The following CTBS variants were observed in gnomAD, a reference collection of about 807,000 sequenced individuals.
CTBS encodes the protein chitobiase.
A neutral mutation model predicts 44.3 loss-of-function variants in CTBS; 35 were observed. That is an observed-to-expected ratio of 0.79 (90% CI 0.60 to 1.05). The LOEUF is 1.05. Among genes scored for constraint, CTBS ranks in the 50% least tolerant of loss-of-function variants. The pLI is 0.00. For missense variants in CTBS, 458 were observed against 475.3 expected, an observed-to-expected ratio of 0.96 and a Z score of 0.34; for synonymous variants, 143 against 168.0, an observed-to-expected ratio of 0.85 and a Z score of 1.15.
At chr1:84,572,157 G>A (rs1317311029) in intron 1 of CTBS, among the ~76,000 whole-genome samples, 1 of 152,124 alleles carries the variant, frequency 6.6e-6, no homozygotes, top group African/African-American at 2.4e-5. Context: ...CTTGTGAGGG[G>A]AATGAATGAG....
chr1:84,564,664 T>G (rs1684657989), intron 4 of CTBS, among the ~76,000 whole-genome samples: 1 of 152,156 alleles, frequency 6.6e-6, no homozygotes, highest in Non-Finnish European at 1.5e-5. Flanking sequence ...TAGAACATAA[T>G]TATAATGTCT....
rs139599287 is a variant in CTBS at position 84,552,812 on chromosome 1, A to G, written c.*2187T>C. 73 of 398,932 alleles carry G rather than the reference A, an allele frequency of 1.8e-4. No individual in the cohort carries two copies. The East Asian group carries it at 2.7e-3, about 15-fold the overall frequency. 24.7% of individuals were successfully genotyped at this position (398,932 alleles called of 1,614,324 possible). ...GTATTGTCCCTATCTACTCATAAAC[A>G]AGGTTACCTTATAGCATATCTCACC... On this transcript the variant is annotated 3_prime_UTR_variant, in exon 7 of 7. Coordinates refer to ENST00000370630, the MANE Select transcript of CTBS (RefSeq NM_004388.3).
chr1:84,573,964 G>A lies in CTBS; in HGVS notation c.177+275C>T, dbSNP rs188102022. The A allele has an allele frequency of 1.8e-4, 239 of 1,345,944 alleles. 1 individual carries two copies. The highest frequency in any genetic ancestry group is 2.1e-4 in the Non-Finnish European group (223 of 1,051,196). 83.4% of individuals were successfully genotyped at this position (1,345,944 alleles called of 1,614,324 possible). A position where few individuals can be genotyped will look rare whatever the true frequency, so the allele number is the denominator to read the frequency against. ...GTGCTTCCGCAGAGGCACAGCAGGG[G>A]AATGAAAGGAGCTTGCCTTAGGAGG... On this transcript the variant is annotated intron_variant, in intron 1 of 6. Coordinates refer to ENST00000370630, the MANE Select transcript of CTBS (RefSeq NM_004388.3).
rs1266285478 is a variant in CTBS at position 84,569,954 on chromosome 1, G to A, written c.502C>T (p.His168Tyr). ...ALVKETTDSF[H>Y]REIEGSQVTF... ...ACCTGTGATCCCTCAATTTCACGATGGAAAGAGTCTGTAGTTTCTTTGACT... is the reference window on the plus strand; with the variant it reads ...ACCTGTGATCCCTCAATTTCACGATAGAAAGAGTCTGTAGTTTCTTTGACT... Residue 168 changes from histidine to tyrosine, a missense_variant, in exon 3 of 7, where the codon CAT becomes TAT. Coordinates refer to ENST00000370630, the MANE Select transcript of CTBS (RefSeq NM_004388.3). 6.2e-7 allele frequency: 1 copy of A among 1,609,800 alleles called. No homozygotes were observed. The highest frequency in any genetic ancestry group is 1.1e-5 in the South Asian group (1 of 90,534).
At chr1:84,569,857 A>G in intron 3 of CTBS, 74 bp downstream of exon 3, 10 of 1,239,238 alleles carry the variant, frequency 8.1e-6, no homozygotes, top group South Asian at 6.7e-5. Context: ...AACAAAGATT[A>G]TATTAGTTAT....
chr1:84,572,958 A>G (rs964661798), intron 1 of CTBS, among the ~76,000 whole-genome samples: 2 of 152,078 alleles, frequency 1.3e-5, no homozygotes, highest in Non-Finnish European at 2.9e-5. Flanking sequence ...CTCAATCTCA[A>G]AAAGAGATTG....
chr1:84,568,914 C>T (rs1451094130), intron 3 of CTBS, among the ~76,000 whole-genome samples: 1 of 152,126 alleles, frequency 6.6e-6, no homozygotes, highest in Non-Finnish European at 1.5e-5. Context: ...CAGCATTATG[C>T]TTCCTGTATA....
intron 6 of CTBS, among the ~76,000 whole-genome samples, chr1:84,562,607 C>T (rs543087883): frequency 6.6e-6 from 1 of 151,994 alleles, no homozygotes; most frequent in African/African-American, 2.4e-5. Context: ...TGTGGAAGAG[C>T]CTTTATAATG....
intron 3 of CTBS, 117 bp from the exon 4 acceptor site, chr1:84,566,129 C>T (rs1684695792): frequency 3.9e-6 from 2 of 508,610 alleles, no homozygotes; most frequent in Non-Finnish European, 6.2e-6. Flanking sequence ...GAACTGCTTA[C>T]AGTATATGAA....
At chr1:84,565,195 C>T (rs1684667887) in intron 4 of CTBS, among the ~76,000 whole-genome samples, 1 of 151,168 alleles carries the variant, frequency 6.6e-6, no homozygotes, top group Non-Finnish European at 1.5e-5. Flanking sequence ...TGAGACCCTG[C>T]TCAAAAAAAT....
intron 6 of CTBS, among the ~76,000 whole-genome samples, chr1:84,556,757 G>A (rs542616291): frequency 2.0e-5 from 3 of 150,558 alleles, no homozygotes; most frequent in East Asian, 3.9e-4. Flanking sequence ...TAATTCACCT[G>A]GTAAATGAAT....
chr1:84,554,907 C>T lies in CTBS; in HGVS notation c.*92G>A. 1.0e-6 allele frequency: 1 copy of T among 989,958 alleles called. No homozygotes were observed. Among genetic ancestry groups the T allele is most frequent in the Non-Finnish European group, 1.5e-6 (1 of 668,492 alleles). 61.3% of individuals were successfully genotyped at this position (989,958 alleles called of 1,614,324 possible). On this transcript the variant is annotated 3_prime_UTR_variant, in exon 7 of 7. Transcript: ENST00000370630. ...TTCTTTTTTTTTAGTATACGGATAACAAAAGTATATAGCAACATAATAAAA... is the reference window on the plus strand; with the variant it reads ...TTCTTTTTTTTTAGTATACGGATAATAAAAGTATATAGCAACATAATAAAA...
chr1:84,557,123 G>A (rs1684458495), intron 6 of CTBS, among the ~76,000 whole-genome samples: 1 of 152,178 alleles, frequency 6.6e-6, no homozygotes. Context: ...AGGCATATTT[G>A]CTTTCCAGAA....
chr1:84,561,777 G>A (rs1456091730), intron 6 of CTBS, among the ~76,000 whole-genome samples: 4 of 152,150 alleles, frequency 2.6e-5, no homozygotes, highest in Non-Finnish European at 4.4e-5. Flanking sequence ...CTTGATAAAG[G>A]CTCAGATGAT....
rs532768453 is a variant in CTBS at position 84,550,561 on chromosome 1, A to G, written c.*4438T>C. 1.6e-5 allele frequency: 24 copies of G among 1,474,192 alleles called. No homozygotes were observed. Among genetic ancestry groups the G allele is most frequent in the South Asian group, 1.3e-4 (9 of 70,796 alleles). The allele number at this position is 1,474,192 out of a possible 1,614,324, so 91.3% of individuals were successfully genotyped here. On this transcript the variant is annotated 3_prime_UTR_variant, in exon 7 of 7. Transcript: ENST00000370630. ...TTACATTTTTCCTAATCAGATTATT[A>G]TAACATTTATCTTGAAATAAAATAT...
chr1:84,560,129 GAAAGGAAA>G (rs1231428445), intron 6 of CTBS, among the ~76,000 whole-genome samples: 21 of 136,760 alleles, frequency 1.5e-4, no homozygotes, highest in East Asian at 8.4e-4. Flanking sequence ...AAGAAAGAAA[GAAAGGAAA>G]GAAAGAAAGA....
chr1:84,562,035 A>T (rs1454829402), intron 6 of CTBS, among the ~76,000 whole-genome samples: 1 of 152,194 alleles, frequency 6.6e-6, no homozygotes, highest in Non-Finnish European at 1.5e-5. Flanking sequence ...CTTTTAACAA[A>T]CCATATCCAT....
chr1:84,569,309 C>A (rs1570475451), intron 3 of CTBS, among the ~76,000 whole-genome samples: 1 of 152,164 alleles, frequency 6.6e-6, no homozygotes, highest in African/African-American at 2.4e-5. Flanking sequence ...AAAGTAAACA[C>A]ATGCTTACTT....
intron 3 of CTBS, among the ~76,000 whole-genome samples, chr1:84,567,115 A>C (rs1684714894): frequency 6.6e-6 from 1 of 152,242 alleles, no homozygotes. Context: ...AAACTGAGAT[A>C]CTTTAGGTAA....
Sources: allele counts gnomAD v4.1 joint callset (sites outside exome capture counted in the v4.1 genomes callset), GRCh38; gene constraint gnomAD v4.1.1; transcripts MANE v1.5; gene names NCBI Gene and HGNC (gene_info 2026-07-23, HGNC 2026-07-21).